PLSCR2: variants seen among roughly 807,000 people sequenced by gnomAD.
The protein encoded by PLSCR2 is PL scramblase 2.
In PLSCR2, 18 loss-of-function variants were observed where a neutral mutation model predicts 25.3. The observed-to-expected ratio is 0.71, with a 90% CI of 0.49 to 1.06. PLSCR2 has a LOEUF of 1.06. Among genes scored for constraint, PLSCR2 ranks in the 50% least tolerant of loss-of-function variants. The pLI is 0.00. For missense variants in PLSCR2, 243 were observed against 269.5 expected (o/e 0.90, Z 0.69); for synonymous variants, 88 against 87.3 (o/e 1.01, Z -0.04).
At chr3:146,483,451 A>ATG (rs1169086260) in intron 1 of PLSCR2, among the ~76,000 whole-genome samples, 2 of 55,850 alleles carry the variant, frequency 3.6e-5, no homozygotes, top group East Asian at 5.1e-4. Context: ...ATACACATGT[A>ATG]TGTATATATA....
chr3:146,437,828 T>C (rs1393167341), downstream of PLSCR2, among the ~76,000 whole-genome samples: 1 of 152,202 alleles, frequency 6.6e-6, no homozygotes, highest in Admixed American at 6.5e-5. Flanking sequence ...TTTGAATGTG[T>C]TTGCTTTTGC....
At chr3:146,423,267 CTCTCTCTCTCTCT>C (rs2039217647) in intron 2 of PLSCR2, among the ~76,000 whole-genome samples, 1 of 146,944 alleles carries the variant, frequency 6.8e-6, no homozygotes, top group African/African-American at 2.5e-5. Flanking sequence ...CTCTCTCTCT[CTCTCTCTCTCTCT>C]CTCCCTGGCT....
At chr3:146,458,340 T>A (rs2041341761) in intron 3 of PLSCR2, 71 bp downstream of exon 3, 1 of 1,293,546 alleles carries the variant, frequency 7.7e-7, no homozygotes, top group East Asian at 2.8e-5. Context: ...ATATTTATAG[T>A]TTTTGATGTA....
chr3:146,436,197 C>T lies in PLSCR2; in HGVS notation c.*35-2680G>A, dbSNP rs145285930. On this transcript the variant is annotated intron_variant, in intron 8 of 8. Coordinates refer to the PLSCR2 transcript ENST00000336685. ...GTAGCCTTGTAGTATAGTTTCAAGT[C>T]AGGTAGCATGATACCTCCAGCTTTG... Among the ~76,000 whole-genome samples the T allele has an allele frequency of 3.2e-3, 485 of 152,286 alleles. 4 individuals carry two copies. The highest frequency in any genetic ancestry group is 0.011 in the African/African-American group (467 of 41,554).
At chr3:146,491,216 C>T (rs970770617) in intron 1 of PLSCR2, among the ~76,000 whole-genome samples, 6 of 152,044 alleles carry the variant, frequency 3.9e-5, no homozygotes, top group African/African-American at 1.4e-4. Context: ...AAAACTTCTG[C>T]TGTTAGACTA....
chr3:146,461,612 G>A (rs1030789341), upstream of PLSCR2, among the ~76,000 whole-genome samples: 2 of 152,080 alleles, frequency 1.3e-5, no homozygotes, highest in African/African-American at 4.8e-5. Flanking sequence ...AGATGAGAAG[G>A]GGAAAATTTT....
At chr3:146,448,798 A>G (rs1361730037) in intron 6 of PLSCR2, among the ~76,000 whole-genome samples, 1 of 152,216 alleles carries the variant, frequency 6.6e-6, no homozygotes, top group Non-Finnish European at 1.5e-5. Flanking sequence ...GATTGAATGT[A>G]TACTCTTATT....
At chr3:146,480,314 G>A (rs1357285436) in intron 1 of PLSCR2, among the ~76,000 whole-genome samples, 1 of 152,028 alleles carries the variant, frequency 6.6e-6, no homozygotes, top group Non-Finnish European at 1.5e-5. Flanking sequence ...TTTGTGAAAA[G>A]ATCAACAAAA....
chr3:146,393,096 T>G (rs1253186727), intron 3 of PLSCR2, among the ~76,000 whole-genome samples: 1 of 149,610 alleles, frequency 6.7e-6, no homozygotes, highest in Non-Finnish European at 1.5e-5. Flanking sequence ...TGGCGTGATC[T>G]TGGCTCACTG....
chr3:146,492,610 TA>T (rs969152332), intron 1 of PLSCR2, among the ~76,000 whole-genome samples: 64 of 151,910 alleles, frequency 4.2e-4, no homozygotes, highest in African/African-American at 1.4e-3. Flanking sequence ...AAAACAAAGA[TA>T]AAACACACCA....
At chr3:146,420,717 T>C (rs980966809) in intron 2 of PLSCR2, among the ~76,000 whole-genome samples, 1 of 152,120 alleles carries the variant, frequency 6.6e-6, no homozygotes, top group African/African-American at 2.4e-5. Context: ...ATATTATAGA[T>C]CTTCAAACAA....
chr3:146,435,220 C>T (rs2039772266), intron 8 of PLSCR2, among the ~76,000 whole-genome samples: 1 of 152,014 alleles, frequency 6.6e-6, no homozygotes, highest in Admixed American at 6.6e-5. Context: ...TGAATAGTGC[C>T]ACAATAAACA....
chr3:146,489,718 A>C (rs1170986508), intron 1 of PLSCR2, among the ~76,000 whole-genome samples: 1 of 152,088 alleles, frequency 6.6e-6, no homozygotes, highest in African/African-American at 2.4e-5. Flanking sequence ...CGATCTTCTA[A>C]TCTTCTGACC....
At chr3:146,468,817 C>CA (rs1056152144) in intron 1 of PLSCR2, among the ~76,000 whole-genome samples, 11 of 146,604 alleles carry the variant, frequency 7.5e-5, no homozygotes, top group East Asian at 2.0e-4. Context: ...GAAAAACAAA[C>CA]AAAAAATCTC....
Position 146,435,342 on chromosome 3 carries a change from G to T in PLSCR2, c.*35-1825C>A, listed in dbSNP as rs1281131274. 3.3e-5 allele frequency among the ~76,000 whole-genome samples: 5 copies of T among 152,280 alleles called. No homozygotes were observed. In the East Asian group the frequency reaches 9.7e-4, roughly 29 times the overall value. ...TCTAGTTCTAGATCCTTGAGGAATT[G>T]CCACACTGTCTTCCACAATGGTTGA... On this transcript the variant is annotated intron_variant, in intron 8 of 8. Coordinates refer to the PLSCR2 transcript ENST00000336685.
At chr3:146,484,198 A>G (rs2043260427) in intron 1 of PLSCR2, among the ~76,000 whole-genome samples, 1 of 150,872 alleles carries the variant, frequency 6.6e-6, no homozygotes, top group Non-Finnish European at 1.5e-5. Flanking sequence ...CAGAGCTTGA[A>G]GACTATCTTG....
chr3:146,420,079 A>G (rs1374804876), intron 2 of PLSCR2, among the ~76,000 whole-genome samples: 1 of 151,990 alleles, frequency 6.6e-6, no homozygotes, highest in Non-Finnish European at 1.5e-5. Context: ...CACAAAGCTC[A>G]CTCTTCTTAC....
At chr3:146,417,007 G>T (rs78243023) in intron 2 of PLSCR2, among the ~76,000 whole-genome samples, 1,660 of 152,206 alleles carry the variant, frequency 0.011, 23 homozygotes, top group African/African-American at 0.038. Context: ...GCAACATTTT[G>T]TCCCAAGTAA....
At chr3:146,469,089 T>C (rs1377813974) in intron 1 of PLSCR2, 2 of 981,388 alleles carry the variant, frequency 2.0e-6, no homozygotes, top group Non-Finnish European at 2.4e-6. Context: ...CCTGGCGGAC[T>C]TCATTGAATA....
Sources: allele counts gnomAD v4.1 joint callset (sites outside exome capture counted in the v4.1 genomes callset), GRCh38; gene constraint gnomAD v4.1.1; transcripts MANE v1.5; gene names NCBI Gene and HGNC (gene_info 2026-07-23, HGNC 2026-07-21).